Variants in ERICH3 observed in about 807,000 individuals in gnomAD.
ERICH3 encodes glutamate rich 3, also known as glutamate-rich protein 3.
A neutral mutation model predicts 131.1 loss-of-function variants in ERICH3; 126 were observed. The observed-to-expected ratio is 0.96, with a 90% CI of 0.83 to 1.11. The LOEUF (loss-of-function observed/expected upper bound fraction) is 1.11, where lower values mean the gene tolerates loss of function less well. ERICH3 is among the 50% of genes most tolerant of loss of function. ERICH3 has a pLI of 0.00. For synonymous variants in ERICH3, 695 were observed against 644.6 expected (o/e 1.08, Z -1.18); for missense variants, 2,050 against 1,810.7 (o/e 1.13, Z -2.40).
intron 10 of ERICH3, 97 bp downstream of exon 10, chr1:74,606,504 A>G: frequency 7.8e-7 from 1 of 1,278,418 alleles, no homozygotes; most frequent in Admixed American, 2.2e-5. Context: ...CAGCTGGGTA[A>G]CATTTAATGG....
rs1369492118 is a variant in ERICH3, at chr1:74,573,110, G to C, written c.2600C>G (p.Ala867Gly). 2 of 1,613,914 alleles carry C rather than the reference G, an allele frequency of 1.2e-6. No individual in the cohort carries two copies. Among genetic ancestry groups the C allele is most frequent in the African/African-American group, 2.7e-5 (2 of 74,922 alleles). Residue 867 changes from alanine (A) to glycine (G), a missense_variant, in exon 14 of 15, where the codon GCT becomes GGT. Coordinates refer to ENST00000326665, the MANE Select transcript of ERICH3 (RefSeq NM_001002912.5). The stretch of plus-strand genomic sequence containing the variant: ...AGCCTCATCTTTACTCAGACCCACA[G>C]CATCTTTTGCTGCTGCTTGTCCTAT... ...DPIGQAAAKD[A>G]VGLSKDEAPE...
At chr1:74,661,606 CTGCT>C (rs1011374871) in intron 1 of ERICH3, among the ~76,000 whole-genome samples, 43 of 152,270 alleles carry the variant, frequency 2.8e-4, no homozygotes, top group African/African-American at 1.0e-3. Context: ...TGGGACATGT[CTGCT>C]TATTTAGAAC....
intron 1 of ERICH3, among the ~76,000 whole-genome samples, chr1:74,655,446 G>A (rs972921832): frequency 1.3e-5 from 2 of 152,108 alleles, no homozygotes; most frequent in Non-Finnish European, 2.9e-5. Flanking sequence ...CTGCCTACAT[G>A]CCTTGGGTCC....
In ERICH3 at chr1:74,631,299, T is replaced by A. The variant is rs747593601; in HGVS notation, c.819+414A>T. 3.9e-5 allele frequency among the ~76,000 whole-genome samples: 6 copies of A among 152,134 alleles called. No homozygotes were observed. The South Asian group carries it at 1.0e-3, about 26-fold the overall frequency. ...AAAAATTACTGAAATAATTTATCTA[T>A]GTATGATACAGTAATTTGCCATAAA... On this transcript the variant is annotated intron_variant, in intron 7 of 14. Transcript: ENST00000326665.
intron 10 of ERICH3, among the ~76,000 whole-genome samples, chr1:74,603,668 A>T (rs1340878224): frequency 6.6e-6 from 1 of 151,832 alleles, no homozygotes; most frequent in Non-Finnish European, 1.5e-5. Flanking sequence ...AGTGATATAA[A>T]TTTTTTGGTT....
chr1:74,649,346 T>C (rs1646512456), intron 1 of ERICH3, 31 bp from the exon 2 acceptor site: 1 of 1,536,060 alleles, frequency 6.5e-7, no homozygotes, highest in African/African-American at 1.4e-5. Context: ...CAATAAGCTT[T>C]TACAAGGGGT....
At position 74,599,713 on chromosome 1, in the gene ERICH3, G is replaced by C. The variant is rs1449021456; in HGVS notation, c.1708C>G (p.Leu570Val). ...DENDGCSESE[L>V]EEDKQDMKTA... ...AACTCGCCTTGTTTATCCTCTTCCA[G>C]TTCACTCTCAGAGCATCCATCATTC... is the stretch of plus-strand genomic sequence containing the variant. Residue 570 changes from leucine to valine, a missense_variant, in exon 11 of 15, where the codon CTG (leucine) becomes GTG (valine). Leu to Val is a conservative substitution (Grantham distance 32). Coordinates refer to ENST00000326665, the MANE Select transcript of ERICH3 (RefSeq NM_001002912.5). The C allele has an allele frequency of 4.3e-6, 7 of 1,609,814 alleles. No individual in the cohort carries two copies. The African/African-American group carries it at 9.4e-5, about 22-fold the overall frequency.
chr1:74,585,156 C>T lies in ERICH3; in HGVS notation c.2176+4475G>A, dbSNP rs1402778237. Among the ~76,000 whole-genome samples the T allele has an allele frequency of 2.6e-5, 4 of 152,258 alleles. No homozygotes were observed. In the East Asian group the frequency reaches 7.7e-4, roughly 29 times the overall value. On this transcript the variant is annotated intron_variant, in intron 12 of 14. Coordinates refer to ENST00000326665, the MANE Select transcript of ERICH3 (RefSeq NM_001002912.5). ...TAAATTAAGTTTACAAATTAATGCA[C>T]TTGAGTTATTCCACTATTAGAACAT...
At chr1:74,615,323 A>G (rs1648909333) in intron 8 of ERICH3, 1 of 151,950 alleles carries the variant, frequency 6.6e-6, no homozygotes, top group Non-Finnish European at 1.5e-5. Context: ...GAGTCATTTA[A>G]CTTTGTTGCC....
chr1:74,587,982 GA>G (rs1451928698), intron 12 of ERICH3, among the ~76,000 whole-genome samples: 4 of 152,090 alleles, frequency 2.6e-5, no homozygotes. Flanking sequence ...AAATTCTTAG[GA>G]TTTTGTGGGC....
At position 74,568,617 on chromosome 1, in the gene ERICH3, G is replaced by A. The variant is rs894578274; in HGVS notation, c.*1841C>T. ...ATAGGGAGTAGGGCAGAGGGACTTC[G>A]TGCATGTATCAATACAATCATAATA... On this transcript the variant is annotated 3_prime_UTR_variant, in exon 15 of 15. Transcript: ENST00000326665. The A allele has an allele frequency of 2.0e-5, 3 of 152,086 alleles. No individual in the cohort carries two copies. The highest frequency in any genetic ancestry group is 4.8e-5 in the African/African-American group (2 of 41,418). The allele number at this position is 152,086 out of a possible 1,614,324, so 9.4% of individuals were successfully genotyped here.
chr1:74,597,975 A>T (rs1419221367), intron 11 of ERICH3, among the ~76,000 whole-genome samples: 1 of 151,938 alleles, frequency 6.6e-6, no homozygotes, highest in Non-Finnish European at 1.5e-5. Context: ...TTACTTACTT[A>T]TGCTGTAGTC....
chr1:74,660,591 AAGTGTATATATATATATATATAT>A (rs1035668211), intron 1 of ERICH3, among the ~76,000 whole-genome samples: 4 of 98,594 alleles, frequency 4.1e-5, no homozygotes, highest in South Asian at 3.5e-4. Flanking sequence ...TCAGACACAC[AAGTGTATATATATATATATATAT>A]AGTGTGTATA....
At chr1:74,584,987 A>G (rs1367053230) in intron 12 of ERICH3, among the ~76,000 whole-genome samples, 2 of 152,228 alleles carry the variant, frequency 1.3e-5, no homozygotes, top group East Asian at 3.8e-4. Flanking sequence ...ACTATTATTT[A>G]AGTTCAAATT....
intron 1 of ERICH3, among the ~76,000 whole-genome samples, chr1:74,667,077 T>G (rs1260917104): frequency 6.7e-6 from 1 of 149,588 alleles, no homozygotes; most frequent in African/African-American, 2.4e-5. Context: ...TAACTGTATA[T>G]GAATATGTTT....
chr1:74,633,259 C>A (rs774159401), intron 6 of ERICH3, among the ~76,000 whole-genome samples: 2 of 151,524 alleles, frequency 1.3e-5, no homozygotes, highest in South Asian at 2.1e-4. Flanking sequence ...GCATATGAAC[C>A]GAAAGAGATT....
chr1:74,652,103 G>A (rs1234922285), intron 1 of ERICH3, among the ~76,000 whole-genome samples: 1 of 152,106 alleles, frequency 6.6e-6, no homozygotes, highest in African/African-American at 2.4e-5. Context: ...TGACTAGCTT[G>A]GTAGGACAGC....
At chr1:74,641,526 A>C in intron 4 of ERICH3, 67 bp from the exon 5 acceptor site, 4 of 1,487,700 alleles carry the variant, frequency 2.7e-6, no homozygotes, top group Non-Finnish European at 3.7e-6. Flanking sequence ...TATGCATGAC[A>C]TGTGCGAAAT....
chr1:74,614,815 G>A lies in ERICH3; in HGVS notation c.1001-2006C>T, dbSNP rs540735528. Among the ~76,000 whole-genome samples the A allele has an allele frequency of 2.0e-5, 3 of 152,266 alleles. No individual in the cohort carries two copies. In the South Asian group the frequency reaches 6.2e-4, roughly 32 times the overall value. ...AAAGAGAGAGCTGAAAAAGGTTAGAGTCTGGGAAAACTAGGATACAATATT... is the reference window on the plus strand; with the variant it reads ...AAAGAGAGAGCTGAAAAAGGTTAGAATCTGGGAAAACTAGGATACAATATT... On this transcript the variant is annotated intron_variant, in intron 8 of 14. Transcript: ENST00000326665.
Sources: allele counts gnomAD v4.1 joint callset (sites outside exome capture counted in the v4.1 genomes callset), GRCh38; gene constraint gnomAD v4.1.1; transcripts MANE v1.5; gene names NCBI Gene and HGNC (gene_info 2026-07-23, HGNC 2026-07-21).